Variants in AK1 observed in about 807,000 individuals in gnomAD.
AK1 encodes the protein adenylate kinase isoenzyme 1.
In AK1, 13 loss-of-function variants were observed where a neutral mutation model predicts 23.9. The ratio of observed to expected loss-of-function variants is 0.54; its 90% CI spans 0.35 to 0.86. AK1 has a LOEUF of 0.86. Among genes scored for constraint, AK1 ranks in the 40% least tolerant of loss-of-function variants. The pLI is 0.01. For missense variants in AK1, 214 were observed against 255.1 expected (o/e 0.84, Z 1.10); for synonymous variants, 97 against 102.8 (o/e 0.94, Z 0.34).
At chr9:127,872,345 G>A (rs7018806) in intron 4 of AK1, among the ~76,000 whole-genome samples, 3,466 of 150,200 alleles carry the variant, frequency 0.023, 121 homozygotes, top group African/African-American at 0.072. Flanking sequence ...AGAAAATTGG[G>A]GGGGGAGGTC....
intron 4 of AK1, 116 bp downstream of exon 4, chr9:127,872,574 G>A: frequency 7.2e-7 from 1 of 1,397,040 alleles, no homozygotes; most frequent in Non-Finnish European, 9.9e-7. Flanking sequence ...GAAGGGTTTG[G>A]AGCCGGGGGC....
chr9:127,875,351 C>T (rs1179093196), intron 1 of AK1, among the ~76,000 whole-genome samples: 1 of 151,218 alleles, frequency 6.6e-6, no homozygotes, highest in Non-Finnish European at 1.5e-5. Flanking sequence ...CCCAATCACA[C>T]CTGCGACCCC....
intron 5 of AK1, among the ~76,000 whole-genome samples, chr9:127,870,879 T>TTG (rs1829389783): frequency 2.0e-5 from 3 of 147,066 alleles, no homozygotes; most frequent in African/African-American, 8.2e-5. Flanking sequence ...ACCAGGATGC[T>TTG]GGTTAGGCTC....
intron 5 of AK1, among the ~76,000 whole-genome samples, chr9:127,870,816 A>ATGGGGCACGGGG (rs1829380830): frequency 4.7e-4 from 8 of 17,086 alleles, no homozygotes; most frequent in South Asian, 3.7e-3. Context: ...GGGGCATGGG[A>ATGGGGCACGGGG]ATGGGGCATG....
chr9:127,873,303 A>G (rs1829460675), intron 2 of AK1: 2 of 1,535,036 alleles, frequency 1.3e-6, no homozygotes. Flanking sequence ...GCAAAAGCCT[A>G]AAGGCTAAGT....
At chr9:127,875,001 A>T (rs963374541) in intron 1 of AK1, 6 of 285,796 alleles carry the variant, frequency 2.1e-5, no homozygotes, top group Non-Finnish European at 4.2e-5. Context: ...CTCCCCTCGA[A>T]ACTCCCAGAA....
chr9:127,872,545 A>G (rs1588616851), intron 4 of AK1, 145 bp downstream of exon 4: 1 of 1,103,384 alleles, frequency 9.1e-7, no homozygotes, highest in Non-Finnish European at 1.3e-6. Flanking sequence ...CTTTCTGTCC[A>G]GGGCAATGGG....
At chr9:127,872,299 C>T (rs917306868) in intron 4 of AK1, among the ~76,000 whole-genome samples, 2 of 151,972 alleles carry the variant, frequency 1.3e-5, no homozygotes, top group African/African-American at 4.8e-5. Flanking sequence ...AAGCATGGCA[C>T]AGGTTGTACG....
rs1193286264 is a variant in AK1, at chr9:127,871,660, A to C, written c.324+163T>G. ...TCCCCTTCTACACATTTTCTTCTAC[A>C]CTTCCAGAAAGTCTTCCTGGTTTTC... On this transcript the variant is annotated intron_variant, in intron 5 of 6. Transcript: ENST00000644144. The surrounding 1 kb of genome is among the most constrained non-coding windows in gnomAD (Gnocchi z 4.4). Among the ~76,000 whole-genome samples the C allele has an allele frequency of 6.6e-6, 1 of 151,350 alleles. No homozygotes were observed. Among genetic ancestry groups the C allele is most frequent in the Non-Finnish European group, 1.5e-5 (1 of 67,992 alleles).
rs572587239 is a variant in AK1 at position 127,872,936 on chromosome 9, G to A, written c.44-83C>T. The A allele has an allele frequency of 3.6e-4, 582 of 1,613,054 alleles. No homozygotes were observed. In the African/African-American group the frequency reaches 7.0e-3, roughly 19 times the overall value. On this transcript the variant is annotated intron_variant, in intron 3 of 6. Coordinates refer to ENST00000644144, the MANE Select transcript of AK1 (RefSeq NM_000476.3). ...GCTGCCAGGGTCTCCCAGAGAGGGA[G>A]GGGCAGAGCCCAGGGTGCAGCCCCA...
At position 127,871,222 on chromosome 9, in the gene AK1, G is replaced by C. The variant is rs772048448; in HGVS notation, c.324+601C>G. 1.4e-4 allele frequency among the ~76,000 whole-genome samples: 21 copies of C among 151,776 alleles called. No homozygotes were observed. Among genetic ancestry groups the C allele is most frequent in the Non-Finnish European group, 2.6e-4 (18 of 68,006 alleles). ...GTGTATCTGCAGGATGCTCGTGCTA[G>C]GAAGCTCAGGGCCATCATTTTCCAG... On this transcript the variant is annotated intron_variant, in intron 5 of 6. Coordinates refer to ENST00000644144, the MANE Select transcript of AK1 (RefSeq NM_000476.3). This position sits in a 1 kb window ranked among gnomAD's most constrained non-coding sequence, Gnocchi z 4.4.
chr9:127,867,711 G>T lies in AK1; in HGVS notation c.*297C>A. 4.8e-6 allele frequency: 2 copies of T among 414,290 alleles called. No homozygotes were observed. Among genetic ancestry groups the T allele is most frequent in the Non-Finnish European group, 9.0e-6 (2 of 221,002 alleles). 25.7% of individuals were successfully genotyped at this position (414,290 alleles called of 1,614,324 possible). The stretch of plus-strand genomic sequence containing the variant: ...CCCCGGGCCTCCCACCAGAGCTAGA[G>T]GAGGGGTGGCTGGCAAAGGGAGGCT... On this transcript the variant is annotated 3_prime_UTR_variant, in exon 7 of 7. Transcript: ENST00000644144.
Position 127,868,204 on chromosome 9 carries a change from C to A in AK1, c.516+117G>T, listed in dbSNP as rs1013311119. Reference sequence around the variant, plus strand: ...AATTGACAGCAGCCCCTCATTGAACCAGTGGGGAAACCAAGGCCCAGAGAG... The same window carrying A: ...AATTGACAGCAGCCCCTCATTGAACAAGTGGGGAAACCAAGGCCCAGAGAG... On this transcript the variant is annotated intron_variant, in intron 6 of 6. Coordinates refer to ENST00000644144, the MANE Select transcript of AK1 (RefSeq NM_000476.3). This position sits in a 1 kb window ranked among gnomAD's most constrained non-coding sequence, Gnocchi z 4.1. The A allele has an allele frequency of 2.1e-6, 3 of 1,440,650 alleles. No homozygotes were observed. The highest frequency in any genetic ancestry group is 4.5e-4 in the Middle Eastern group (2 of 4,406). 89.2% of individuals were successfully genotyped at this position (1,440,650 alleles called of 1,614,324 possible).
chr9:127,868,029 G>T lies in AK1; in HGVS notation c.564C>A (p.Thr188=), dbSNP rs1829287133. ...SVDSVFSQVC[T]HLDALK ...GTTGCTACTTTAGGGCGTCCAGGTG[G>T]GTGCAGACCTGGGAGAAGACACTGT... Residue 188 remains threonine, a synonymous_variant, in exon 7 of 7, where the codon ACC becomes ACA. Transcript: ENST00000644144. This position sits in a 1 kb window ranked among gnomAD's most constrained non-coding sequence, Gnocchi z 4.1. 1.2e-6 allele frequency: 2 copies of T among 1,614,158 alleles called. No individual in the cohort carries two copies. The highest frequency in any genetic ancestry group is 2.2e-5 in the East Asian group (1 of 44,876).
At chr9:127,873,953 G>A (rs1829478865) in intron 2 of AK1, 1 of 985,346 alleles carries the variant, frequency 1.0e-6, no homozygotes, top group Admixed American at 6.1e-5. Flanking sequence ...CCCTACAGGA[G>A]CTGTCAAGAA....
chr9:127,869,977 G>A (rs144131388), intron 5 of AK1, among the ~76,000 whole-genome samples: 12 of 152,294 alleles, frequency 7.9e-5, no homozygotes, highest in Middle Eastern at 3.4e-3. Context: ...CATCTAGCCC[G>A]GGGAGTCCAC....
intron 5 of AK1, among the ~76,000 whole-genome samples, chr9:127,869,931 G>T (rs1829348188): frequency 6.6e-6 from 1 of 152,238 alleles, no homozygotes; most frequent in African/African-American, 2.4e-5. Flanking sequence ...TGAGATTCTG[G>T]CTGTGGGGCC....
At position 127,871,859 on chromosome 9, in the gene AK1, CG is replaced by C. The variant is rs761886813; in HGVS notation, c.287del (p.Pro96ArgfsTer30). 6.2e-7 allele frequency: 1 copy of C among 1,614,032 alleles called. No individual in the cohort carries two copies. Among genetic ancestry groups the C allele is most frequent in the African/African-American group, 1.3e-5 (1 of 74,908 alleles). ...TSKGFLIDGY[P>X]REVQQGEEFE... Reference sequence around the variant, plus strand: ...ACTCTTCTCCTTGCTGCACCTCCCGCGGGTAGCCATCAATCAGGAAGCCTTT... The same window carrying C: ...ACTCTTCTCCTTGCTGCACCTCCCGCGGTAGCCATCAATCAGGAAGCCTTT... On this transcript the variant is annotated frameshift_variant, in exon 5 of 7. Transcript: ENST00000644144. LOFTEE classifies it high-confidence loss of function. This position sits in a 1 kb window ranked among gnomAD's most constrained non-coding sequence, Gnocchi z 4.4.
In AK1 at chr9:127,872,110, G is replaced by GTGAA. The variant is rs1158884992; in HGVS notation, c.208-175_208-172dup. On this transcript the variant is annotated intron_variant, in intron 4 of 6. Coordinates refer to ENST00000644144, the MANE Select transcript of AK1 (RefSeq NM_000476.3). ...TCGGAATTGTGGAGACCTGGACTGA[G>GTGAA]TGAATGAATGAATGAATGATGCATT... is the stretch of plus-strand genomic sequence containing the variant. 6.6e-5 allele frequency among the ~76,000 whole-genome samples: 10 copies of GTGAA among 152,194 alleles called. No homozygotes were observed. In the East Asian group the frequency reaches 1.3e-3, roughly 21 times the overall value.
Sources: gnomAD v4.1 joint callset for allele counts (sites outside exome capture counted in the v4.1 genomes callset) on GRCh38, gnomAD v4.1.1 for gene constraint, Gnocchi (gnomAD v3.1) non-coding constraint, MANE v1.5 for transcripts, NCBI Gene and HGNC (gene_info 2026-07-23, HGNC 2026-07-21) for gene names.